The following TPO variants were observed in gnomAD, a reference collection of about 807,000 sequenced individuals.
The protein encoded by TPO is thyroid peroxidase.
Under a neutral mutation model 96.9 loss-of-function variants are expected in TPO, and 78 were observed. The ratio of observed to expected loss-of-function variants is 0.81; its 90% CI spans 0.67 to 0.97. The LOEUF (loss-of-function observed/expected upper bound fraction) is 0.97, where lower values mean the gene tolerates loss of function less well. Among genes scored for constraint, TPO ranks in the 50% least tolerant of loss-of-function variants. The probability of loss-of-function intolerance (pLI) is 0.00; values close to 1 mark genes in which losing one functional copy is unlikely to be tolerated. For synonymous variants in TPO, 547 were observed against 538.0 expected, an observed-to-expected ratio of 1.02 and a Z score of -0.23; for missense variants, 1,252 against 1,274.8, an observed-to-expected ratio of 0.98 and a Z score of 0.27.
chr2:1,453,819 C>A lies in TPO; in HGVS notation c.608C>A (p.Pro203His). ...TTCTTGTACAACGGGTTCCCACTGC[C>A]CCCGGTGGGTACTCAGAACGCTACT... ...PGFLYNGFPL[P>H]PVREVTRHVI... The change falls in exon 6 of 17, where the codon CCC (proline) becomes CAC (histidine). Residue 203 changes from proline to histidine, a missense_variant. Physicochemically the swap from Pro to His is moderately conservative, Grantham distance 77. Coordinates refer to ENST00000329066, the MANE Select transcript of TPO (RefSeq NM_001206744.2). 6.2e-7 allele frequency: 1 copy of A among 1,613,712 alleles called. No individual in the cohort carries two copies. Among genetic ancestry groups the A allele is most frequent in the South Asian group, 1.1e-5 (1 of 91,080 alleles).
At chr2:1,531,222 G>GCCCCCACTGTGTGCAACCGCCTCATATTC in intron 15 of TPO, among the ~76,000 whole-genome samples, 1 of 58,700 alleles carries the variant, frequency 1.7e-5, no homozygotes, top group South Asian at 5.8e-4. Flanking sequence ...ACCCCAAATC[G>GCCCCCACTGTGTGCAACCGCCTCATATTC]CCCCCACTGT....
At chr2:1,508,018 G>T (rs539694827) in intron 14 of TPO, among the ~76,000 whole-genome samples, 212 of 152,138 alleles carry the variant, frequency 1.4e-3, no homozygotes, top group Non-Finnish European at 2.5e-3. Flanking sequence ...GTTGGCTGTG[G>T]GTTTGTCATA....
intron 1 of TPO, among the ~76,000 whole-genome samples, chr2:1,392,328 C>G (rs934283721): frequency 2.6e-5 from 4 of 152,088 alleles, no homozygotes; most frequent in South Asian, 2.1e-4. Context: ...ATATGTTGAA[C>G]GAGCCTTGCA....
At chr2:1,473,111 T>C (rs1206312852) in intron 7 of TPO, among the ~76,000 whole-genome samples, 1 of 152,212 alleles carries the variant, frequency 6.6e-6, no homozygotes, top group Non-Finnish European at 1.5e-5. Context: ...ACTGTCAGCA[T>C]GAAGCACTTT....
intron 13 of TPO, 90 bp downstream of exon 13, chr2:1,496,855 A>G (rs916182069): frequency 1.9e-6 from 3 of 1,587,686 alleles, no homozygotes; most frequent in Admixed American, 3.4e-5. Flanking sequence ...TTCTTCGCCA[A>G]AAGGTGCTTC....
intron 7 of TPO, 121 bp from the exon 8 acceptor site, chr2:1,476,965 G>A: frequency 1.5e-6 from 2 of 1,305,694 alleles, no homozygotes; most frequent in Non-Finnish European, 2.1e-6. Context: ...GACCCCTACA[G>A]AGGACTGGAG....
chr2:1,518,928 T>A (rs1213178562), intron 15 of TPO, among the ~76,000 whole-genome samples: 1 of 152,214 alleles, frequency 6.6e-6, no homozygotes, highest in Non-Finnish European at 1.5e-5. Context: ...TTAGTTAAAA[T>A]GAGACTGTCC....
chr2:1,532,790 C>A (rs1678620740), intron 15 of TPO, among the ~76,000 whole-genome samples: 2 of 43,900 alleles, frequency 4.6e-5, no homozygotes. Flanking sequence ...CTCCCCAAAT[C>A]CCCCACACTA....
intron 1 of TPO, among the ~76,000 whole-genome samples, chr2:1,376,211 C>T (rs1448859060): frequency 6.6e-6 from 1 of 152,190 alleles, no homozygotes; most frequent in Non-Finnish European, 1.5e-5. Context: ...CCCCAGGAAC[C>T]AGGGCCATGC....
At chr2:1,479,159 C>T (rs1670294586) in intron 8 of TPO, among the ~76,000 whole-genome samples, 1 of 152,216 alleles carries the variant, frequency 6.6e-6, no homozygotes, top group African/African-American at 2.4e-5. Context: ...AATCCAGGTC[C>T]TCGTCTCCAT....
intron 5 of TPO, among the ~76,000 whole-genome samples, chr2:1,444,240 G>A (rs1484257495): frequency 1.6e-5 from 2 of 122,356 alleles, no homozygotes; most frequent in East Asian, 5.9e-4. Context: ...GAATGGGGCA[G>A]GCGCCTTCTT....
At chr2:1,488,541 G>T (rs758741768) in intron 10 of TPO, among the ~76,000 whole-genome samples, 24 of 151,968 alleles carry the variant, frequency 1.6e-4, no homozygotes, top group Non-Finnish European at 2.9e-4. Context: ...TCCCTGACCT[G>T]CCCAGTTTCC....
chr2:1,435,232 C>T (rs1036922591), intron 4 of TPO, among the ~76,000 whole-genome samples: 1 of 152,232 alleles, frequency 6.6e-6, no homozygotes, highest in Non-Finnish European at 1.5e-5. Flanking sequence ...CGTACCCGGC[C>T]AATGGTTCTT....
chr2:1,441,795 A>G (rs1330958642), intron 5 of TPO, among the ~76,000 whole-genome samples: 1 of 152,178 alleles, frequency 6.6e-6, no homozygotes, highest in Non-Finnish European at 1.5e-5. Context: ...TGTCCTGCAG[A>G]AATTTGGGTT....
chr2:1,504,193 G>A, intron 14 of TPO, 114 bp downstream of exon 14: 1 of 1,577,284 alleles, frequency 6.3e-7, no homozygotes, highest in South Asian at 1.1e-5. Flanking sequence ...GAAGGGCGGA[G>A]ATGAATAAGA....
Position 1,484,474 on chromosome 2 carries a change from A to G in TPO, c.1339-122A>G, listed in dbSNP as rs28910608. 4,360 of 1,285,270 alleles carry G rather than the reference A, an allele frequency of 3.4e-3. 102 individuals carry two copies. In the African/African-American group the frequency reaches 0.054, roughly 16 times the overall value. The allele number at this position is 1,285,270 out of a possible 1,614,324, so 79.6% of individuals were successfully genotyped here. A position where few individuals can be genotyped will look rare whatever the true frequency, so the allele number is the denominator to read the frequency against. ...GGGAAGTTCAGCTGAGGCCCTTATT[A>G]CAAGACGAGAAGGGTCCAGTTCCCT... On this transcript the variant is annotated intron_variant, in intron 8 of 16. Coordinates refer to ENST00000329066, the MANE Select transcript of TPO (RefSeq NM_001206744.2).
intron 6 of TPO, among the ~76,000 whole-genome samples, chr2:1,454,555 G>A (rs1187070688): frequency 6.6e-6 from 1 of 152,096 alleles, no homozygotes; most frequent in African/African-American, 2.4e-5. Context: ...AGAAGCCCTG[G>A]GTAGAGCTGG....
chr2:1,447,138 C>T (rs754557271), intron 5 of TPO, among the ~76,000 whole-genome samples: 3 of 152,152 alleles, frequency 2.0e-5, no homozygotes, highest in South Asian at 2.1e-4. Context: ...TGAGGTCAGA[C>T]GTGCCTCATG....
At chr2:1,410,151 G>GA (rs1662309945), upstream of TPO, among the ~76,000 whole-genome samples, 1 of 152,188 alleles carries the variant, frequency 6.6e-6, no homozygotes, top group Non-Finnish European at 1.5e-5. Flanking sequence ...ACAAAAGGAT[G>GA]AATACGTGAG....
Sources: gnomAD v4.1 joint callset for allele counts (sites outside exome capture counted in the v4.1 genomes callset) on GRCh38, gnomAD v4.1.1 for gene constraint, MANE v1.5 for transcripts, NCBI Gene and HGNC (gene_info 2026-07-23, HGNC 2026-07-21) for gene names.